RPL26: variants seen among roughly 807,000 people sequenced by gnomAD.
RPL26 encodes large ribosomal subunit protein uL24.
Under a neutral mutation model 16.2 loss-of-function variants are expected in RPL26, and 1 was observed. That is an observed-to-expected ratio of 0.06 (90% CI 0.02 to 0.29). The LOEUF is 0.29. Among genes scored for constraint, RPL26 ranks in the 10% least tolerant of loss-of-function variants. The pLI is 1.00. For missense variants in RPL26, 102 were observed against 184.3 expected (o/e 0.55, Z 2.58); for synonymous variants, 55 against 62.4 (o/e 0.88, Z 0.56).
At chr17:8,382,909 C>G in intron 1 of RPL26, 1 of 397,138 alleles carries the variant, frequency 2.5e-6, no homozygotes, top group Non-Finnish European at 4.4e-6. Flanking sequence ...ACTACCCAGA[C>G]TCCAGTCTAT....
chr17:8,379,460 T>C (rs1409711752), intron 3 of RPL26: 1 of 431,318 alleles, frequency 2.3e-6, no homozygotes, highest in Admixed American at 4.0e-5. Flanking sequence ...TAGTCACAGC[T>C]ACACTCAGGA....
chr17:8,377,786 G>C, intron 3 of RPL26, 94 bp from the exon 4 acceptor site: 3 of 1,183,720 alleles, frequency 2.5e-6, no homozygotes, highest in Non-Finnish European at 2.3e-6. Context: ...CCCAAACCTG[G>C]GGTAGGTGGA....
rs757476918 is a variant in RPL26 at position 8,382,184 on chromosome 17, T to G, written c.127A>C (p.Asn43His). The part of the protein sequence containing the change: ...PLSKELRQKY[N>H]VRSMPIRKDD... The stretch of plus-strand genomic sequence containing the variant: ...TTTCGGATGGGCATGGATCGCACGT[T>G]GTACTTCTGTCTCAGCTCTTTGGAA... The change falls in exon 2 of 4, where the codon AAC (asparagine) becomes CAC (histidine). Residue 43 changes from asparagine to histidine, a missense_variant. Transcript: ENST00000648839. The G allele has an allele frequency of 6.2e-7, 1 of 1,614,004 alleles. No homozygotes were observed. Among genetic ancestry groups the G allele is most frequent in the Non-Finnish European group, 8.5e-7 (1 of 1,179,862 alleles).
intron 1 of RPL26, 197 bp downstream of exon 1, chr17:8,382,960 A>C (rs1907495889): frequency 2.5e-6 from 1 of 398,276 alleles, no homozygotes; most frequent in South Asian, 1.3e-4. Context: ...TCGAGTTCCC[A>C]AATCCCCGGT....
At chr17:8,377,849 A>C in intron 3 of RPL26, 157 bp from the exon 4 acceptor site, 1 of 610,710 alleles carries the variant, frequency 1.6e-6, no homozygotes, top group East Asian at 3.0e-5. Flanking sequence ...ATCACTCTTT[A>C]GCCATCAAAC....
chr17:8,382,014 G>A, intron 2 of RPL26, 129 bp downstream of exon 2: 1 of 754,236 alleles, frequency 1.3e-6, no homozygotes, highest in Non-Finnish European at 2.2e-6. Context: ...TTGGTCCCTG[G>A]CTCAACTCAT....
At chr17:8,378,667 T>A (rs1907269472) in intron 3 of RPL26, among the ~76,000 whole-genome samples, 3 of 152,160 alleles carry the variant, frequency 2.0e-5, no homozygotes, top group Admixed American at 6.5e-5. Flanking sequence ...CAAATTATGA[T>A]AAATTTTAGT....
At position 8,383,159 on chromosome 17, in the gene RPL26, G is replaced by C. The variant is rs1273961762; in HGVS notation, c.-8C>G. ...CCGCTTGCCCGCCGAATCCTTACCCGCTCCCGCTTCGGTGATGGCCGCAAA... is the reference window on the plus strand; with the variant it reads ...CCGCTTGCCCGCCGAATCCTTACCCCCTCCCGCTTCGGTGATGGCCGCAAA... On this transcript the variant is annotated splice_region_variant and 5_prime_UTR_variant, in exon 1 of 4. Coordinates refer to ENST00000648839, the MANE Select transcript of RPL26 (RefSeq NM_000987.5). 7.5e-6 allele frequency: 3 copies of C among 398,542 alleles called. No homozygotes were observed. The highest frequency in any genetic ancestry group is 4.4e-5 in the Admixed American group (1 of 22,708). The allele number at this position is 398,542 out of a possible 1,614,324, so 24.7% of individuals were successfully genotyped here.
chr17:8,378,807 A>G (rs1224480929), intron 3 of RPL26, among the ~76,000 whole-genome samples: 1 of 152,228 alleles, frequency 6.6e-6, no homozygotes. Flanking sequence ...GTGAATCTAC[A>G]TCACTTTGAT....
chr17:8,383,051 C>T, intron 1 of RPL26, 106 bp downstream of exon 1: 1 of 398,662 alleles, frequency 2.5e-6, no homozygotes, highest in Non-Finnish European at 4.4e-6. Flanking sequence ...TCCTTCCTGG[C>T]TGCTACTCGG....
At chr17:8,379,706 G>T in intron 3 of RPL26, 90 bp downstream of exon 3, 1 of 1,202,806 alleles carries the variant, frequency 8.3e-7, no homozygotes, top group Non-Finnish European at 1.2e-6. Flanking sequence ...GTAAAATCAA[G>T]GACTATTTCT....
chr17:8,382,074 G>A (rs1338932319), intron 2 of RPL26, 69 bp downstream of exon 2: 7 of 1,343,578 alleles, frequency 5.2e-6, no homozygotes, highest in East Asian at 2.3e-5. Context: ...TCTCAGGAAT[G>A]CAATCTCTCT....
At chr17:8,377,924 A>G (rs1483999105) in intron 3 of RPL26, among the ~76,000 whole-genome samples, 1 of 152,246 alleles carries the variant, frequency 6.6e-6, no homozygotes, top group East Asian at 1.9e-4. Flanking sequence ...GTAATTCTTA[A>G]AGCCTCTTCT....
At chr17:8,382,772 A>G in intron 1 of RPL26, 1 of 353,466 alleles carries the variant, frequency 2.8e-6, no homozygotes. Flanking sequence ...AAGGCCCACC[A>G]ACCCGAACCT....
At chr17:8,382,610 G>C (rs758475980) in intron 1 of RPL26, 13 of 364,652 alleles carry the variant, frequency 3.6e-5, no homozygotes, top group Non-Finnish European at 6.0e-5. Context: ...TCCTCAAGTA[G>C]TGCCTGAGGA....
intron 3 of RPL26, among the ~76,000 whole-genome samples, chr17:8,377,975 A>C (rs1907228781): frequency 6.6e-6 from 1 of 152,242 alleles, no homozygotes; most frequent in Admixed American, 6.5e-5. Flanking sequence ...ACTGAGAAAT[A>C]TATGATTCTG....
At chr17:8,382,081 C>G (rs1353939396) in intron 2 of RPL26, 62 bp downstream of exon 2, 1 of 1,426,590 alleles carries the variant, frequency 7.0e-7, no homozygotes, top group Non-Finnish European at 9.8e-7. Context: ...AATGCAATCT[C>G]TCTTCTAAGC....
intron 3 of RPL26, 74 bp downstream of exon 3, chr17:8,379,722 C>T (rs1907325274): frequency 5.7e-6 from 8 of 1,413,460 alleles, no homozygotes; most frequent in Non-Finnish European, 7.9e-6. Context: ...TTTCTATGGC[C>T]TTGCTCTGTA....
At position 8,383,165 on chromosome 17, in the gene RPL26, G is replaced by A. The variant is rs957390202; in HGVS notation, c.-14C>T. 4 of 398,528 alleles carry A rather than the reference G, an allele frequency of 1.0e-5. No homozygotes were observed. Among genetic ancestry groups the A allele is most frequent in the African/African-American group, 4.1e-5 (2 of 48,610 alleles). 24.7% of individuals were successfully genotyped at this position (398,528 alleles called of 1,614,324 possible). ...GCCCGCCGAATCCTTACCCGCTCCC[G>A]CTTCGGTGATGGCCGCAAAAGGGAA... On this transcript the variant is annotated 5_prime_UTR_variant, in exon 1 of 4. Coordinates refer to ENST00000648839, the MANE Select transcript of RPL26 (RefSeq NM_000987.5).
Sources: allele counts gnomAD v4.1 joint callset (sites outside exome capture counted in the v4.1 genomes callset), GRCh38; gene constraint gnomAD v4.1.1; transcripts MANE v1.5; gene names NCBI Gene and HGNC (gene_info 2026-07-23, HGNC 2026-07-21).